Variants in NPAS3 observed in about 807,000 individuals in gnomAD.
The protein encoded by NPAS3 is neuronal PAS domain protein 3.
In NPAS3, 14 loss-of-function variants were observed where a neutral mutation model predicts 73.1. The ratio of observed to expected loss-of-function variants is 0.19; its 90% CI spans 0.13 to 0.30. The LOEUF is 0.30. Ranked by LOEUF, NPAS3 falls within the 10% of genes least tolerant of loss-of-function variation. NPAS3 has a pLI of 1.00. For missense variants in NPAS3, 1,096 were observed against 1,250.0 expected (o/e 0.88, Z 1.86); for synonymous variants, 620 against 541.5 (o/e 1.14, Z -2.01).
chr14:33,025,535 C>A (rs537458541), intron 1 of NPAS3, among the ~76,000 whole-genome samples: 1 of 152,136 alleles, frequency 6.6e-6, no homozygotes, highest in South Asian at 2.1e-4. Context: ...TCAGGGAGAT[C>A]TTAATAAGTT....
intron 4 of NPAS3, among the ~76,000 whole-genome samples, chr14:33,382,352 A>G (rs1340561998): frequency 2.6e-5 from 4 of 152,192 alleles, no homozygotes; most frequent in African/African-American, 9.7e-5. Flanking sequence ...CGATACCTAA[A>G]TTATTAGATT....
intron 2 of NPAS3, among the ~76,000 whole-genome samples, chr14:33,176,884 ATTTTTCT>A (rs963766777): frequency 6.6e-6 from 1 of 151,616 alleles, no homozygotes; most frequent in African/African-American, 2.4e-5. Context: ...AAGACTTGTT[ATTTTTCT>A]TTTTTCTTTT....
intron 8 of NPAS3, 66 bp from the exon 9 acceptor site, chr14:33,778,400 A>G: frequency 4.3e-6 from 5 of 1,171,180 alleles, no homozygotes; most frequent in Non-Finnish European, 5.1e-6. Flanking sequence ...ACTGTTTCTA[A>G]GTTATTTGAC....
At chr14:33,421,638 G>T (rs1207058455) in intron 4 of NPAS3, among the ~76,000 whole-genome samples, 1 of 151,762 alleles carries the variant, frequency 6.6e-6, no homozygotes, top group African/African-American at 2.4e-5. Flanking sequence ...AAATTTAAAG[G>T]GTAGTAAATT....
At chr14:33,686,716 G>A (rs2060098920) in intron 6 of NPAS3, among the ~76,000 whole-genome samples, 1 of 152,102 alleles carries the variant, frequency 6.6e-6, no homozygotes, top group African/African-American at 2.4e-5. Flanking sequence ...ACCCAAGCAG[G>A]CTGGCACCAG....
At chr14:33,244,329 GTTAC>G (rs1212633759) in intron 3 of NPAS3, among the ~76,000 whole-genome samples, 3 of 151,996 alleles carry the variant, frequency 2.0e-5, no homozygotes, top group East Asian at 1.9e-4. Flanking sequence ...TTTTTAAGTA[GTTAC>G]TTAATTGAAT....
At chr14:32,981,067 T>C (rs2037878135) in intron 1 of NPAS3, among the ~76,000 whole-genome samples, 1 of 152,110 alleles carries the variant, frequency 6.6e-6, no homozygotes, top group Non-Finnish European at 1.5e-5. Flanking sequence ...CCTGCAGCCA[T>C]TTATTATCCA....
At chr14:33,522,487 A>G (rs2053599659) in intron 4 of NPAS3, among the ~76,000 whole-genome samples, 1 of 151,936 alleles carries the variant, frequency 6.6e-6, no homozygotes, top group South Asian at 2.1e-4. Context: ...AACCTTCTCT[A>G]TATTATAGCA....
At chr14:33,432,234 A>G (rs940256708) in intron 4 of NPAS3, among the ~76,000 whole-genome samples, 1 of 152,180 alleles carries the variant, frequency 6.6e-6, no homozygotes, top group South Asian at 2.1e-4. Flanking sequence ...GCTTAACAAT[A>G]TATTCCTTTG....
chr14:33,695,042 C>G (rs2060337821), intron 6 of NPAS3, among the ~76,000 whole-genome samples: 1 of 152,136 alleles, frequency 6.6e-6, no homozygotes, highest in South Asian at 2.1e-4. Flanking sequence ...CAGTTCTGGC[C>G]ATACAACTAA....
At chr14:33,175,264 G>A (rs1452975550) in intron 2 of NPAS3, among the ~76,000 whole-genome samples, 1 of 151,964 alleles carries the variant, frequency 6.6e-6, no homozygotes, top group African/African-American at 2.4e-5. Context: ...GAATTTGAAG[G>A]GTTTTCATAA....
At chr14:33,475,206 C>A (rs1475999738) in intron 4 of NPAS3, among the ~76,000 whole-genome samples, 1 of 152,138 alleles carries the variant, frequency 6.6e-6, no homozygotes, top group South Asian at 2.1e-4. Context: ...AAGAGAAGGC[C>A]TCAGATTGAA....
intron 6 of NPAS3, among the ~76,000 whole-genome samples, chr14:33,715,867 A>G (rs2060944239): frequency 6.6e-6 from 1 of 152,126 alleles, no homozygotes; most frequent in African/African-American, 2.4e-5. Context: ...AAGTCTCACA[A>G]GATTTGATGG....
At chr14:33,411,704 G>T (rs564861614) in intron 4 of NPAS3, among the ~76,000 whole-genome samples, 2 of 152,038 alleles carry the variant, frequency 1.3e-5, no homozygotes, top group African/African-American at 4.8e-5. Context: ...TGACAATTTC[G>T]AACATGCCTT....
chr14:33,512,381 A>T (rs2053096014), intron 4 of NPAS3, among the ~76,000 whole-genome samples: 1 of 152,040 alleles, frequency 6.6e-6, no homozygotes, highest in Non-Finnish European at 1.5e-5. Context: ...AAAGTTTTGT[A>T]GGACTTTACA....
rs567276394 is a variant in NPAS3, at chr14:33,072,375, A to G, written c.140+16381A>G. Among the ~76,000 whole-genome samples the G allele has an allele frequency of 1.4e-4, 22 of 152,372 alleles. 1 individual carries two copies. In the South Asian group the frequency reaches 4.3e-3, roughly 30 times the overall value. ...TTCTAGTATTATCACAGAGCAGTGTATTAGAAATCACTGTATTATATTTTG... is the reference window on the plus strand; with the variant it reads ...TTCTAGTATTATCACAGAGCAGTGTGTTAGAAATCACTGTATTATATTTTG... On this transcript the variant is annotated intron_variant, in intron 2 of 11. Coordinates refer to ENST00000356141, the Ensembl canonical transcript of NPAS3.
At chr14:33,693,104 AG>A (rs1466099832) in intron 6 of NPAS3, among the ~76,000 whole-genome samples, 1 of 152,204 alleles carries the variant, frequency 6.6e-6, no homozygotes, top group Non-Finnish European at 1.5e-5. Context: ...ACTGGAGTAA[AG>A]GAATTATATC....
chr14:33,618,602 T>C (rs1349013198), intron 5 of NPAS3, among the ~76,000 whole-genome samples: 1 of 152,218 alleles, frequency 6.6e-6, no homozygotes, highest in Non-Finnish European at 1.5e-5. Context: ...CACTTCCTGC[T>C]GTGTGGTCCG....
chr14:33,691,676 C>T (rs574798600), intron 6 of NPAS3, among the ~76,000 whole-genome samples: 59 of 152,264 alleles, frequency 3.9e-4, no homozygotes, highest in Non-Finnish European at 7.1e-4. Flanking sequence ...CAAATTAATT[C>T]TTATGTCTTT....
Sources: gnomAD v4.1 joint callset for allele counts (sites outside exome capture counted in the v4.1 genomes callset) on GRCh38, gnomAD v4.1.1 for gene constraint, MANE v1.5 for transcripts, NCBI Gene and HGNC (gene_info 2026-07-23, HGNC 2026-07-21) for gene names.